The following KNCN variants were observed in gnomAD, a reference collection of about 807,000 sequenced individuals.
KNCN encodes the protein kinocilin.
KNCN carries 11 observed loss-of-function variants against 10.4 expected under a neutral mutation model. That is an observed-to-expected ratio of 1.06 (90% CI 0.67 to 1.75). KNCN has a LOEUF of 1.75. Ranked by LOEUF, KNCN falls within the 40% of genes most tolerant of loss-of-function variation. KNCN has a pLI of 0.00. For synonymous variants in KNCN, 67 were observed against 71.6 expected (o/e 0.94, Z 0.33); for missense variants, 172 against 167.1 (o/e 1.03, Z -0.16).
At chr1:46,549,787 CACACACACAGCAGCTCTA>C in intron 2 of KNCN, 129 bp downstream of exon 2, 1 of 1,428,516 alleles carries the variant, frequency 7.0e-7, no homozygotes, top group East Asian at 2.5e-5. Flanking sequence ...GCACAACACA[CACACACACAGCAGCTCTA>C]ACACAGACAG....
chr1:46,551,139 C>T lies in KNCN; in HGVS notation c.77G>A (p.Ser26Asn). Residue 26 changes from serine to asparagine, a missense_variant, in exon 1 of 4, where the codon AGC becomes AAC. Physicochemically the swap from Ser to Asn is conservative, Grantham distance 46. Coordinates refer to ENST00000481882, the MANE Select transcript of KNCN (RefSeq NM_001322255.2). This position sits in a 1 kb window ranked among gnomAD's most constrained non-coding sequence, Gnocchi z 4.0. ...ACVALGLVAG[S>N]IIIGISVSKA... ...GGATACGGAGATGCCGATAATGATGCTGCCAGCCACCAGCCCGAGAGCCAC... is the reference window on the plus strand; with the variant it reads ...GGATACGGAGATGCCGATAATGATGTTGCCAGCCACCAGCCCGAGAGCCAC... 6.2e-7 allele frequency: 1 copy of T among 1,611,430 alleles called. No individual in the cohort carries two copies. Among genetic ancestry groups the T allele is most frequent in the Non-Finnish European group, 8.5e-7 (1 of 1,178,752 alleles).
chr1:46,547,319 C>T lies in KNCN; in HGVS notation c.*411G>A, dbSNP rs1161420187. On this transcript the variant is annotated 3_prime_UTR_variant, in exon 4 of 4. Transcript: ENST00000481882. ...GTCCCTGTCTGTGGTTCTTGTGGGC[C>T]TGTGGTTCACTTCTGTAGCCGGGTT... 2 of 458,090 alleles carry T rather than the reference C, an allele frequency of 4.4e-6. No individual in the cohort carries two copies. The highest frequency in any genetic ancestry group is 8.7e-6 in the Non-Finnish European group (2 of 229,314). 28.4% of individuals were successfully genotyped at this position (458,090 alleles called of 1,614,324 possible). A position where few individuals can be genotyped will look rare whatever the true frequency, so the allele number is the denominator to read the frequency against.
At chr1:46,550,923 G>A (rs1029188854) in intron 1 of KNCN, 142 bp downstream of exon 1, 149 of 747,714 alleles carry the variant, frequency 2.0e-4, no homozygotes, top group Non-Finnish European at 2.9e-4. Flanking sequence ...CCCTGATGGC[G>A]GCCTTGCTCA....
rs139002354 is a variant in KNCN at position 46,546,736 on chromosome 1, G to C, written c.*994C>G. The stretch of plus-strand genomic sequence containing the variant: ...TTAAGCACCTACTGGTCTGGTGCTA[G>C]ACACTAGAGCAGGGGCAACGTTCAG... On this transcript the variant is annotated 3_prime_UTR_variant, in exon 4 of 4. Transcript: ENST00000481882. 1.3e-5 allele frequency: 2 copies of C among 153,270 alleles called. No homozygotes were observed. The highest frequency in any genetic ancestry group is 3.9e-4 in the East Asian group (2 of 5,192). The allele number at this position is 153,270 out of a possible 1,614,324, so 9.5% of individuals were successfully genotyped here.
rs191194559 is a variant in KNCN, at chr1:46,549,233, G to T, written c.255C>A (p.Asp85Glu). 2 of 1,613,326 alleles carry T rather than the reference G, an allele frequency of 1.2e-6. No homozygotes were observed. The highest frequency in any genetic ancestry group is 1.3e-5 in the African/African-American group (1 of 74,974). ...TGGTGCTGGATCTTCCTTCCCCGTG[G>T]TCTGCCCCTGGATGGGGATGGATTC... ...SLRIHPHPGA[D>E]HGEGRSSTNG... Residue 85 changes from aspartate (D) to glutamate (E), a missense_variant, in exon 3 of 4, where the codon GAC becomes GAA. Physicochemically the swap from Asp to Glu is conservative, Grantham distance 45. Coordinates refer to ENST00000481882, the MANE Select transcript of KNCN (RefSeq NM_001322255.2).
In KNCN at chr1:46,550,017, AG is replaced by A. The variant is rs1667033135; in HGVS notation, c.152-16del. 4.5e-6 allele frequency: 7 copies of A among 1,550,326 alleles called. No homozygotes were observed. The highest frequency in any genetic ancestry group is 6.1e-6 in the Non-Finnish European group (7 of 1,146,906). On this transcript the variant is annotated splice_polypyrimidine_tract_variant and intron_variant, in intron 1 of 3. Coordinates refer to ENST00000481882, the MANE Select transcript of KNCN (RefSeq NM_001322255.2). ...GATGAGGAGCCCTGAGAAGAGACAC[AG>A]GGGGTTCTGTGATGGGGAGGAGCCT...
rs375040901 is a variant in KNCN at position 46,551,249 on chromosome 1, G to A, written c.-34C>T. 1.6e-5 allele frequency: 26 copies of A among 1,588,992 alleles called. No individual in the cohort carries two copies. In the Admixed American group the frequency reaches 3.3e-4, roughly 20 times the overall value. ...ACCCGGGGCACTGCCTCCAGCCGGT[G>A]CAGTCTGGCCCCAGAAAAGTCCTGG... On this transcript the variant is annotated 5_prime_UTR_variant, in exon 1 of 4. Transcript: ENST00000481882. This position sits in a 1 kb window ranked among gnomAD's most constrained non-coding sequence, Gnocchi z 4.0.
chr1:46,547,749 C>T lies in KNCN; in HGVS notation c.356G>A (p.Arg119Gln), dbSNP rs934257082. Residue 119 changes from arginine to glutamine, a missense_variant, in exon 4 of 4, where the codon CGG becomes CAG. By Grantham distance (43) the Arg-to-Gln change is conservative. Coordinates refer to ENST00000481882, the MANE Select transcript of KNCN (RefSeq NM_001322255.2). Reference protein sequence around the residue: ...RTLEKLKPGTRGAEEC With the variant: ...RTLEKLKPGTQGAEEC ...TTTGCCTCAGCATTCCTCAGCCCCC[C>T]GGGTCCCCGGCTTCAGCTTCTCCAG... 2.6e-5 allele frequency: 38 copies of T among 1,483,782 alleles called. No individual in the cohort carries two copies. The highest frequency in any genetic ancestry group is 1.7e-4 in the East Asian group (7 of 40,780). 91.9% of individuals were successfully genotyped at this position (1,483,782 alleles called of 1,614,324 possible). A position where few individuals can be genotyped will look rare whatever the true frequency, so the allele number is the denominator to read the frequency against.
intron 1 of KNCN, among the ~76,000 whole-genome samples, 175 bp downstream of exon 1, chr1:46,550,890 C>T (rs905800901): frequency 6.6e-6 from 1 of 152,110 alleles, no homozygotes; most frequent in South Asian, 2.1e-4. Flanking sequence ...AGCCCCAGCG[C>T]GTCGCTCCTC....
In KNCN at chr1:46,547,155, C is replaced by T; in HGVS notation, c.*575G>A. 1 of 344,358 alleles carries T rather than the reference C, an allele frequency of 2.9e-6. No individual in the cohort carries two copies. Among genetic ancestry groups the T allele is most frequent in the Non-Finnish European group, 5.7e-6 (1 of 174,962 alleles). 21.3% of individuals were successfully genotyped at this position (344,358 alleles called of 1,614,324 possible). Reference sequence around the variant, plus strand: ...GTCCCTTTGTGAGCCCCCCAAATTCCCCCATCTGATTCACTGCTGCTCAGA... The same window carrying T: ...GTCCCTTTGTGAGCCCCCCAAATTCTCCCATCTGATTCACTGCTGCTCAGA... On this transcript the variant is annotated 3_prime_UTR_variant, in exon 4 of 4. Transcript: ENST00000481882.
chr1:46,547,679 G>T lies in KNCN; in HGVS notation c.*51C>A. The T allele has an allele frequency of 1.4e-6, 2 of 1,386,080 alleles. No individual in the cohort carries two copies. Among genetic ancestry groups the T allele is most frequent in the Non-Finnish European group, 2.0e-6 (2 of 998,912 alleles). The allele number at this position is 1,386,080 out of a possible 1,614,324, so 85.9% of individuals were successfully genotyped here. On this transcript the variant is annotated 3_prime_UTR_variant, in exon 4 of 4. Transcript: ENST00000481882. The stretch of plus-strand genomic sequence containing the variant: ...AACCCAGGAGGGCACTGACATAGGG[G>T]CAGCAGGCAGGATGGGAGGGCAGGG...
chr1:46,550,597 G>A (rs770559062), intron 1 of KNCN, among the ~76,000 whole-genome samples: 2 of 152,170 alleles, frequency 1.3e-5, no homozygotes, highest in Non-Finnish European at 2.9e-5. Flanking sequence ...GGCAATCAGT[G>A]GGCGTGGCCC....
intron 2 of KNCN, 84 bp downstream of exon 2, chr1:46,549,850 A>T (rs1667029324): frequency 1.3e-6 from 2 of 1,548,378 alleles, no homozygotes; most frequent in Non-Finnish European, 8.7e-7. Flanking sequence ...CATCCCAGCC[A>T]CACAGTGGGT....
intron 1 of KNCN, 140 bp from the exon 2 acceptor site, chr1:46,550,142 G>A: frequency 6.7e-7 from 1 of 1,484,130 alleles, no homozygotes; most frequent in Non-Finnish European, 9.1e-7. Flanking sequence ...TTGGGACTGT[G>A]AGTGTGTAAA....
intron 3 of KNCN, 119 bp from the exon 4 acceptor site, chr1:46,547,928 C>G (rs1666982475): frequency 1.5e-6 from 1 of 661,732 alleles, no homozygotes; most frequent in Non-Finnish European, 2.5e-6. Context: ...CAGGGCAGAG[C>G]TGGGATAGAA....
At chr1:46,550,309 TGCTGTCCCCAC>T (rs1046040199) in intron 1 of KNCN, among the ~76,000 whole-genome samples, 8 of 152,096 alleles carry the variant, frequency 5.3e-5, no homozygotes, top group Admixed American at 3.9e-4. Context: ...ACTGCGTCTC[TGCTGTCCCCAC>T]GCTTCCCCAG....
rs1666967008 is a variant in KNCN at position 46,547,482 on chromosome 1, T to C, written c.*248A>G. ...AAGGCCAGGGCAGGAGCCTGAAACA[T>C]GGGAACCCTGTGGGGGCGTCCGGCG... On this transcript the variant is annotated 3_prime_UTR_variant, in exon 4 of 4. Coordinates refer to ENST00000481882, the MANE Select transcript of KNCN (RefSeq NM_001322255.2). 1 of 688,818 alleles carries C rather than the reference T, an allele frequency of 1.5e-6. No homozygotes were observed. Among genetic ancestry groups the C allele is most frequent in the Non-Finnish European group, 2.7e-6 (1 of 375,558 alleles). 42.7% of individuals were successfully genotyped at this position (688,818 alleles called of 1,614,324 possible).
Position 46,547,802 on chromosome 1 carries a change from G to A in KNCN, c.303C>T (p.Arg101=). ...TCCTGCTCACGGTGGACAGGCTGCTGCGGGCTCCTGGGGGAGAGAACAGGG... is the reference window on the plus strand; with the variant it reads ...TCCTGCTCACGGTGGACAGGCTGCTACGGGCTCCTGGGGGAGAGAACAGGG... ...SSTNGNKEGA[R]SSLSTVSRTL... Residue 101 remains arginine, a synonymous_variant, in exon 4 of 4, where the codon CGC becomes CGT. Transcript: ENST00000481882. 6.9e-7 allele frequency: 1 copy of A among 1,457,754 alleles called. No homozygotes were observed. The highest frequency in any genetic ancestry group is 9.1e-7 in the Non-Finnish European group (1 of 1,104,690). 90.3% of individuals were successfully genotyped at this position (1,457,754 alleles called of 1,614,324 possible).
intron 1 of KNCN, 67 bp from the exon 2 acceptor site, chr1:46,550,069 C>T (rs973424545): frequency 6.5e-7 from 1 of 1,549,080 alleles, no homozygotes; most frequent in Non-Finnish European, 8.7e-7. Flanking sequence ...TGTGGGTGGG[C>T]TGGGAGCCTG....
Sources: allele counts gnomAD v4.1 joint callset (sites outside exome capture counted in the v4.1 genomes callset), GRCh38; gene constraint gnomAD v4.1.1; non-coding constraint Gnocchi (gnomAD v3.1); transcripts MANE v1.5; gene names NCBI Gene and HGNC (gene_info 2026-07-23, HGNC 2026-07-21).